AUP1: variants seen among roughly 807,000 people sequenced by gnomAD.
The protein encoded by AUP1 is AUP1 lipid droplet regulating VLDL assembly factor.
A neutral mutation model predicts 51.8 loss-of-function variants in AUP1; 30 were observed. The observed-to-expected ratio is 0.58, with a 90% CI of 0.43 to 0.79. The LOEUF (loss-of-function observed/expected upper bound fraction) is 0.79. AUP1 is among the 30% of genes least tolerant of loss of function. The pLI, the probability that AUP1 is intolerant of heterozygous loss-of-function variation, is 0.00. For missense variants in AUP1, 492 were observed against 517.1 expected (o/e 0.95, Z 0.47); for synonymous variants, 227 against 209.0 (o/e 1.09, Z -0.74).
At position 74,527,747 on chromosome 2, in the gene AUP1, C is replaced by T. The variant is rs138752223; in HGVS notation, c.830G>A (p.Arg277His). The change falls in exon 8 of 12, where the codon CGC becomes CAC. Residue 277 changes from arginine (R) to histidine (H), a missense_variant. Transcript: ENST00000377526. ...HMKRQRHPRLRPQSAQSSFPP... is the reference protein window; with the variant it reads ...HMKRQRHPRLHPQSAQSSFPP... ...TAGAGACCACATACCTGACTGGGGG[C>T]GCAATCTGGGGTGTCTTTGTCGCTT... 3.6e-4 allele frequency: 589 copies of T among 1,613,800 alleles called. 1 individual carries two copies. In the African/African-American group the frequency reaches 6.8e-3, roughly 18 times the overall value.
At position 74,526,736 on chromosome 2, in the gene AUP1, G is replaced by A. The variant is rs374600447; in HGVS notation, c.*64C>T. On this transcript the variant is annotated 3_prime_UTR_variant, in exon 12 of 12. Transcript: ENST00000377526. The stretch of plus-strand genomic sequence containing the variant: ...CACCCACCCATCCAGCCTGTTGTGA[G>A]TTGGGTGAGGGCTGCCCCCAGTCTC... 43 of 1,498,340 alleles carry A rather than the reference G, an allele frequency of 2.9e-5. No individual in the cohort carries two copies. In the East Asian group the frequency reaches 3.9e-4, roughly 14 times the overall value. The allele number at this position is 1,498,340 out of a possible 1,614,324, so 92.8% of individuals were successfully genotyped here.
Position 74,528,770 on chromosome 2 carries a change from C to G in AUP1, c.505G>C (p.Glu169Gln). ...FPEEEATNGR[E>Q]GLLRFSSWPF... ...ACCCACCTGAAGCGCAGGAGCCCCT[C>G]CCGGCCATTGGTGGCCTCTTCCTCA... The change falls in exon 4 of 12, where the codon GAG (glutamate) becomes CAG (glutamine). Residue 169 changes from glutamate to glutamine, a missense_variant. By Grantham distance (29) the Glu-to-Gln change is conservative. Coordinates refer to ENST00000377526, the MANE Select transcript of AUP1 (RefSeq NM_181575.5). 2 of 1,606,804 alleles carry G rather than the reference C, an allele frequency of 1.2e-6. No homozygotes were observed. The highest frequency in any genetic ancestry group is 4.5e-5 in the East Asian group (2 of 44,782).
intron 6 of AUP1, 50 bp from the exon 7 acceptor site, chr2:74,528,056 T>C (rs1224662176): frequency 6.2e-7 from 1 of 1,602,630 alleles, no homozygotes; most frequent in African/African-American, 1.3e-5. Context: ...GGGTAGAGGC[T>C]GTCACCATTC....
Position 74,528,848 on chromosome 2 carries a change from T to G in AUP1, c.427A>C (p.Lys143Gln). The G allele has an allele frequency of 6.2e-7, 1 of 1,614,034 alleles. No individual in the cohort carries two copies. Among genetic ancestry groups the G allele is most frequent in the Non-Finnish European group, 8.5e-7 (1 of 1,179,998 alleles). Residue 143 changes from lysine (K) to glutamine (Q), a missense_variant, in exon 4 of 12, where the codon AAG (lysine) becomes CAG (glutamine). Coordinates refer to ENST00000377526, the MANE Select transcript of AUP1 (RefSeq NM_181575.5). ...AGCCTCGTGGAAGCACAGAATCTCT[T>G]GAGTGACTCCACCAACTCCCCCCGC... ...NGRGELVESLKRFCASTRLPP... is the reference protein window; with the variant it reads ...NGRGELVESLQRFCASTRLPP...
Position 74,527,610 on chromosome 2 carries a change from A to AG in AUP1, c.842-21dup, listed in dbSNP as rs1675249967. 3 of 1,587,618 alleles carry AG rather than the reference A, an allele frequency of 1.9e-6. No individual in the cohort carries two copies. The highest frequency in any genetic ancestry group is 2.6e-6 in the Non-Finnish European group (3 of 1,172,740). On this transcript the variant is annotated intron_variant, in intron 8 of 11. Coordinates refer to ENST00000377526, the MANE Select transcript of AUP1 (RefSeq NM_181575.5). ...ACTGGGCTGTGGAAAAAGGAAAAAA[A>AG]GAAAAAAGAAATTCTGGTAAGTAGA...
rs1675373641 is a variant in AUP1, at chr2:74,529,146, T to C, written c.325A>G (p.Thr109Ala). 2.5e-6 allele frequency: 4 copies of C among 1,614,200 alleles called. No homozygotes were observed. The highest frequency in any genetic ancestry group is 4.5e-5 in the East Asian group (2 of 44,886). Reference protein sequence around the residue: ...PFDHNIVNLLTTCSTPLLNSP... With the variant: ...PFDHNIVNLLATCSTPLLNSP... Reference sequence around the variant, plus strand: ...CTCTCACTCACGGTGCTACAGGTGGTAAGCAAATTGACTATGTTGTGGTCG... The same window carrying C: ...CTCTCACTCACGGTGCTACAGGTGGCAAGCAAATTGACTATGTTGTGGTCG... Residue 109 changes from threonine to alanine, a missense_variant, in exon 3 of 12, where the codon ACC becomes GCC. Physicochemically the swap from Thr to Ala is moderately conservative, Grantham distance 58 (BLOSUM62 0). Coordinates refer to ENST00000377526, the MANE Select transcript of AUP1 (RefSeq NM_181575.5).
At chr2:74,528,526 C>T (rs569144276) in intron 4 of AUP1, 37 bp from the exon 5 acceptor site, 2 of 1,568,932 alleles carry the variant, frequency 1.3e-6, no homozygotes, top group East Asian at 2.2e-5. Context: ...GGGAATCCAG[C>T]CAGCCTAGTC....
At chr2:74,528,563 G>T in intron 4 of AUP1, 74 bp from the exon 5 acceptor site, 2 of 1,444,024 alleles carry the variant, frequency 1.4e-6, no homozygotes, top group Non-Finnish European at 9.7e-7. Context: ...CTTATAACAG[G>T]CAACTGTCAA....
intron 6 of AUP1, 108 bp downstream of exon 6, chr2:74,528,140 G>T: frequency 1.4e-6 from 2 of 1,478,594 alleles, no homozygotes; most frequent in Admixed American, 1.7e-5. Flanking sequence ...TGCCTCTGTG[G>T]TAGAACCTTG....
intron 8 of AUP1, 42 bp from the exon 9 acceptor site, chr2:74,527,632 T>C (rs1437130615): frequency 6.3e-6 from 10 of 1,588,690 alleles, no homozygotes; most frequent in Non-Finnish European, 8.5e-6. Flanking sequence ...TTCTGGTAAG[T>C]AGAGAACTAG....
Position 74,527,239 on chromosome 2 carries a change from G to A in AUP1, c.1077+9C>T, listed in dbSNP as rs1220088372. 4 of 1,612,188 alleles carry A rather than the reference G, an allele frequency of 2.5e-6. No individual in the cohort carries two copies. The South Asian group carries it at 4.4e-5, about 18-fold the overall frequency. On this transcript the variant is annotated intron_variant, in intron 10 of 11. Coordinates refer to ENST00000377526, the MANE Select transcript of AUP1 (RefSeq NM_181575.5). ...CAACACTTGGATCTGACCATTTCCT[G>A]GGTCTCACCTTGGAGGCAGAGGCTG...
rs1265040169 is a variant in AUP1 at position 74,528,261 on chromosome 2, C to T, written c.658G>A (p.Val220Met). 1.9e-6 allele frequency: 3 copies of T among 1,613,998 alleles called. No homozygotes were observed. The Admixed American group carries it at 5.0e-5, about 27-fold the overall frequency. ...LLWSLFVPFT[V>M]YQVRWLRPVH... ...GACAGTTAATACCTTACTTGATACA[C>T]CGTGAAAGGGACGAAAAGTGACCAC... Residue 220 changes from valine to methionine, a missense_variant, in exon 6 of 12, where the codon GTG becomes ATG. Transcript: ENST00000377526.
At chr2:74,527,430 CCT>C (rs1675238913) in intron 9 of AUP1, 39 bp downstream of exon 9, 1 of 1,610,680 alleles carries the variant, frequency 6.2e-7, no homozygotes, top group African/African-American at 1.3e-5. Context: ...ACTTTTCCTC[CCT>C]GTGCCCATCT....
chr2:74,529,340 C>T, intron 2 of AUP1, 22 bp downstream of exon 2: 3 of 1,613,172 alleles, frequency 1.9e-6, no homozygotes, highest in Non-Finnish European at 2.5e-6. Context: ...CTCTGACACT[C>T]CCCGAACGCC....
At position 74,526,771 on chromosome 2, in the gene AUP1, G is replaced by C; in HGVS notation, c.*29C>G. On this transcript the variant is annotated 3_prime_UTR_variant, in exon 12 of 12. Coordinates refer to ENST00000377526, the MANE Select transcript of AUP1 (RefSeq NM_181575.5). The stretch of plus-strand genomic sequence containing the variant: ...GGCTGCCCCCAGTCTCCGTCCTGCG[G>C]CTCTGGGTGCCATCCTGTTCCTTTG... The C allele has an allele frequency of 6.6e-7, 1 of 1,520,022 alleles. No individual in the cohort carries two copies. The highest frequency in any genetic ancestry group is 1.3e-5 in the South Asian group (1 of 75,080). The allele number at this position is 1,520,022 out of a possible 1,614,324, so 94.2% of individuals were successfully genotyped here. A position where few individuals can be genotyped will look rare whatever the true frequency, so the allele number is the denominator to read the frequency against.
chr2:74,527,906 AC>A, intron 7 of AUP1, 33 bp downstream of exon 7: 1 of 1,613,632 alleles, frequency 6.2e-7, no homozygotes, highest in Non-Finnish European at 8.5e-7. Context: ...CTAAGCAGGG[AC>A]CCCGCCTCCA....
rs1675231404 is a variant in AUP1 at position 74,527,280 on chromosome 2, T to C, written c.1045A>G (p.Thr349Ala). The change falls in exon 10 of 12, where the codon ACT becomes GCT. Residue 349 changes from threonine to alanine, a missense_variant. Thr to Ala is a moderately conservative substitution (Grantham distance 58). Coordinates refer to ENST00000377526, the MANE Select transcript of AUP1 (RefSeq NM_181575.5). ...GCAGAGGCTGTGGGTAGGGACTGAG[T>C]TCCCTTGGTGATGTCTTCAGGCATG... The part of the protein sequence containing the change: ...AFMPEDITKG[T>A]QSLPTASASK... 6.2e-7 allele frequency: 1 copy of C among 1,613,882 alleles called. No homozygotes were observed. Among genetic ancestry groups the C allele is most frequent in the Non-Finnish European group, 8.5e-7 (1 of 1,179,988 alleles).
At chr2:74,528,377 C>G in intron 5 of AUP1, 40 bp downstream of exon 5, 1 of 1,611,890 alleles carries the variant, frequency 6.2e-7, no homozygotes, top group Non-Finnish European at 8.5e-7. Context: ...GGAAATTTCC[C>G]CTTCAAGCCC....
intron 10 of AUP1, 35 bp downstream of exon 10, chr2:74,527,213 C>T: frequency 1.2e-6 from 2 of 1,606,884 alleles, no homozygotes; most frequent in Non-Finnish European, 1.7e-6. Flanking sequence ...CCAACTCACC[C>T]CAACACTTGG....
Sources: gnomAD v4.1 joint callset for allele counts on GRCh38, gnomAD v4.1.1 for gene constraint, MANE v1.5 for transcripts, NCBI Gene and HGNC (gene_info 2026-07-23, HGNC 2026-07-21) for gene names.